The following SERGEF variants were observed in gnomAD, a reference collection of about 807,000 sequenced individuals.
SERGEF encodes the protein secretion regulating guanine nucleotide exchange factor.
Under a neutral mutation model 50.0 loss-of-function variants are expected in SERGEF, and 51 were observed. That is an observed-to-expected ratio of 1.02 (90% CI 0.81 to 1.29). SERGEF has a LOEUF of 1.29. SERGEF is among the 50% of genes most tolerant of loss of function. SERGEF has a pLI of 0.00. For missense variants in SERGEF, 521 were observed against 557.0 expected (o/e 0.94, Z 0.65); for synonymous variants, 205 against 212.4 (o/e 0.97, Z 0.30).
chr11:17,863,284 A>G (rs891082237), intron 10 of SERGEF, among the ~76,000 whole-genome samples: 1 of 152,252 alleles, frequency 6.6e-6, no homozygotes, highest in Non-Finnish European at 1.5e-5. Flanking sequence ...ACGAAAAAAA[A>G]GTTTTATCTG....
At chr11:17,911,171 A>C (rs965105919) in intron 9 of SERGEF, among the ~76,000 whole-genome samples, 2 of 151,922 alleles carry the variant, frequency 1.3e-5, no homozygotes, top group African/African-American at 4.8e-5. Context: ...CTTCCCTGCA[A>C]TCCAATATGG....
intron 5 of SERGEF, chr11:17,999,595 G>A: frequency 4.4e-6 from 2 of 455,866 alleles, no homozygotes; most frequent in Non-Finnish European, 8.8e-6. Flanking sequence ...AGGAGTAAGA[G>A]CAGAAAAAAT....
chr11:17,854,472 T>A (rs1850777145), intron 10 of SERGEF, among the ~76,000 whole-genome samples: 1 of 152,186 alleles, frequency 6.6e-6, no homozygotes, highest in African/African-American at 2.4e-5. Flanking sequence ...GGGTACCACA[T>A]CCTTGATCCT....
At chr11:17,936,790 C>T (rs1852460653) in intron 9 of SERGEF, among the ~76,000 whole-genome samples, 3 of 152,178 alleles carry the variant, frequency 2.0e-5, no homozygotes, top group African/African-American at 4.8e-5. Context: ...ACTTCAGACA[C>T]TCAGGCATCT....
At chr11:17,843,805 G>A (rs550283806) in intron 10 of SERGEF, among the ~76,000 whole-genome samples, 27 of 152,210 alleles carry the variant, frequency 1.8e-4, no homozygotes, top group African/African-American at 6.3e-4. Flanking sequence ...AGTGAGAGGA[G>A]CACTCTAGGG....
chr11:17,807,423 C>T (rs1849781813), intron 10 of SERGEF, among the ~76,000 whole-genome samples: 1 of 152,214 alleles, frequency 6.6e-6, no homozygotes, highest in Non-Finnish European at 1.5e-5. Context: ...CAAGGTTCAG[C>T]TCCTATAAAC....
chr11:17,978,777 G>A (rs908789560), intron 8 of SERGEF, among the ~76,000 whole-genome samples: 3 of 152,180 alleles, frequency 2.0e-5, no homozygotes, highest in Admixed American at 1.3e-4. Context: ...GGGAAGGCCT[G>A]GGTGACCTCC....
At chr11:17,947,133 T>C (rs1852678685) in intron 9 of SERGEF, among the ~76,000 whole-genome samples, 2 of 152,208 alleles carry the variant, frequency 1.3e-5, no homozygotes, top group Admixed American at 1.3e-4. Context: ...AAGATTTCCG[T>C]TCAATTCAAT....
intron 9 of SERGEF, among the ~76,000 whole-genome samples, chr11:17,922,968 C>T (rs1170062824): frequency 1.3e-5 from 2 of 152,194 alleles, no homozygotes; most frequent in Admixed American, 1.3e-4. Flanking sequence ...AAACTAACTT[C>T]CACCTGGAGG....
intron 4 of SERGEF, among the ~76,000 whole-genome samples, chr11:18,002,385 T>C (rs563334734): frequency 2.6e-5 from 4 of 152,256 alleles, no homozygotes; most frequent in Non-Finnish European, 4.4e-5. Flanking sequence ...ACCACCCTGA[T>C]TGCCCCATTC....
intron 10 of SERGEF, among the ~76,000 whole-genome samples, chr11:17,873,253 T>C (rs191415873): frequency 6.6e-6 from 1 of 152,294 alleles, no homozygotes; most frequent in African/African-American, 2.4e-5. Flanking sequence ...ACTGCTCACC[T>C]TCAGCTTCAT....
At chr11:17,980,787 G>A (rs896736643) in intron 8 of SERGEF, among the ~76,000 whole-genome samples, 1 of 151,924 alleles carries the variant, frequency 6.6e-6, no homozygotes, top group Non-Finnish European at 1.5e-5. Flanking sequence ...CTTTGTTTTT[G>A]TCATTATAAA....
intron 8 of SERGEF, among the ~76,000 whole-genome samples, chr11:17,972,344 C>T (rs1333823061): frequency 1.3e-5 from 2 of 152,164 alleles, no homozygotes; most frequent in Admixed American, 6.5e-5. Flanking sequence ...TCACTATTGT[C>T]TCATTTTATG....
At chr11:18,007,789 T>G in intron 2 of SERGEF, 152 bp downstream of exon 2, 1 of 723,636 alleles carries the variant, frequency 1.4e-6, no homozygotes, top group East Asian at 2.8e-5. Context: ...TAGGATCTTC[T>G]GATGGTAATT....
At chr11:17,959,880 A>G (rs1184324960) in intron 8 of SERGEF, among the ~76,000 whole-genome samples, 1 of 152,228 alleles carries the variant, frequency 6.6e-6, no homozygotes, top group Non-Finnish European at 1.5e-5. Flanking sequence ...ATTCAAGCAG[A>G]GATTCATTCT....
intron 10 of SERGEF, among the ~76,000 whole-genome samples, chr11:17,812,519 A>C (rs544265011): frequency 1.3e-5 from 2 of 152,312 alleles, no homozygotes; most frequent in African/African-American, 4.8e-5. Context: ...CTTCATGTAG[A>C]ATGGCAGTTC....
chr11:17,791,038 T>A (rs2133817356), intron 10 of SERGEF, among the ~76,000 whole-genome samples: 1 of 152,378 alleles, frequency 6.6e-6, no homozygotes, highest in Non-Finnish European at 1.5e-5. Context: ...TTTGGAAGTA[T>A]CTTCTTCCAG....
intron 10 of SERGEF, among the ~76,000 whole-genome samples, chr11:17,817,451 C>T (rs1849999440): frequency 6.6e-6 from 1 of 152,008 alleles, no homozygotes; most frequent in African/African-American, 2.4e-5. Flanking sequence ...CCCCTGACCT[C>T]GTGATCTGCC....
intron 10 of SERGEF, among the ~76,000 whole-genome samples, chr11:17,835,053 C>T (rs771551130): frequency 8.5e-5 from 13 of 152,152 alleles, no homozygotes; most frequent in Non-Finnish European, 1.8e-4. Flanking sequence ...ATTTCAGTGG[C>T]AGCCAAGGCA....
Sources: gnomAD v4.1 joint callset for allele counts (sites outside exome capture counted in the v4.1 genomes callset) on GRCh38, gnomAD v4.1.1 for gene constraint, MANE v1.5 for transcripts, NCBI Gene and HGNC (gene_info 2026-07-23, HGNC 2026-07-21) for gene names.